RIPK2: variants seen among roughly 807,000 people sequenced by gnomAD.
The protein encoded by RIPK2 is receptor interacting serine/threonine kinase 2.
In RIPK2, 38 loss-of-function variants were observed where a neutral mutation model predicts 60.9. That is an observed-to-expected ratio of 0.62 (90% CI 0.48 to 0.82). The LOEUF (loss-of-function observed/expected upper bound fraction) is 0.82. RIPK2 is among the 40% of genes least tolerant of loss of function. The probability of loss-of-function intolerance (pLI) is 0.00; values close to 1 mark genes in which losing one functional copy is unlikely to be tolerated. For synonymous variants in RIPK2, 225 were observed against 223.4 expected (o/e 1.01, Z -0.06); for missense variants, 518 against 647.0 (o/e 0.80, Z 2.16).
intron 6 of RIPK2, among the ~76,000 whole-genome samples, chr8:89,779,622 A>G (rs951142553): frequency 2.0e-5 from 3 of 151,756 alleles, no homozygotes; most frequent in Non-Finnish European, 4.4e-5. Context: ...GCCTGGCCCA[A>G]TTTTCAAGTT....
Position 89,790,349 on chromosome 8 carries a change from C to G in RIPK2, c.1556C>G (p.Pro519Arg). 6.2e-7 allele frequency: 1 copy of G among 1,613,486 alleles called. No homozygotes were observed. The highest frequency in any genetic ancestry group is 8.5e-7 in the Non-Finnish European group (1 of 1,179,756). Residue 519 changes from proline to arginine, a missense_variant, in exon 11 of 11, where the codon CCT becomes CGT. Pro to Arg is a moderately radical substitution (Grantham distance 103). This residue lies in a region of RIPK2 where 41 missense variants were observed against 43.7 expected (regional missense o/e 0.94). Transcript: ENST00000220751. ...LKDNKQMGLQ[P>R]YPEILVVSRS... is the part of the protein sequence containing the mutation. Reference sequence around the variant, plus strand: ...GATAACAAACAAATGGGTCTTCAGCCTTACCCGGAAATACTTGTGGTTTCT... The same window carrying G: ...GATAACAAACAAATGGGTCTTCAGCGTTACCCGGAAATACTTGTGGTTTCT...
In RIPK2 at chr8:89,789,439, C is replaced by T; in HGVS notation, c.1242C>T (p.Cys414=). The change falls in exon 10 of 11, where the codon TGC becomes TGT. Residue 414 remains cysteine (C), a synonymous_variant. Transcript: ENST00000220751. The stretch of plus-strand genomic sequence containing the variant: ...TCTGTGATCACAAGACCACTCCATG[C>T]TCTTCAGCAATAATAAATCCACTCT... The part of the protein sequence containing the change: ...AAFCDHKTTP[C]SSAIINPLST... 6.2e-7 allele frequency: 1 copy of T among 1,613,986 alleles called. No homozygotes were observed. Among genetic ancestry groups the T allele is most frequent in the Non-Finnish European group, 8.5e-7 (1 of 1,179,928 alleles).
Position 89,786,616 on chromosome 8 carries a change from C to T in RIPK2, c.1053C>T (p.Leu351=). ...AGGAATCATGTGGATCCTCTCAGCTCCATGAAAATAGTGGTTCTCCTGAAA... is the reference window on the plus strand; with the variant it reads ...AGGAATCATGTGGATCCTCTCAGCTTCATGAAAATAGTGGTTCTCCTGAAA... The part of the protein sequence containing the change: ...PQEESCGSSQ[L]HENSGSPETS... The change falls in exon 9 of 11, where the codon CTC becomes CTT. Residue 351 remains leucine, a synonymous_variant. Transcript: ENST00000220751. 2 of 1,596,380 alleles carry T rather than the reference C, an allele frequency of 1.3e-6. No homozygotes were observed. Among genetic ancestry groups the T allele is most frequent in the Non-Finnish European group, 1.7e-6 (2 of 1,166,556 alleles).
rs1335771091 is a variant in RIPK2, at chr8:89,771,771, C to T, written c.672C>T (p.Ser224=). The change falls in exon 5 of 11, where the codon TCC becomes TCT. Residue 224 remains serine, a synonymous_variant. Coordinates refer to ENST00000220751, the MANE Select transcript of RIPK2 (RefSeq NM_003821.6). ...SYAVITWEVL[S]RKQPFEDVTN... is the part of the protein sequence containing the mutation. ...CAGTTATCACATGGGAAGTGTTATCCAGAAAACAGCCTTTTGAAGGTAAGT... is the reference window on the plus strand; with the variant it reads ...CAGTTATCACATGGGAAGTGTTATCTAGAAAACAGCCTTTTGAAGGTAAGT... 1 of 1,603,892 alleles carries T rather than the reference C, an allele frequency of 6.2e-7. No homozygotes were observed. The highest frequency in any genetic ancestry group is 8.5e-7 in the Non-Finnish European group (1 of 1,173,616).
chr8:89,768,833 T>G (rs937733654), intron 3 of RIPK2, among the ~76,000 whole-genome samples: 1 of 151,768 alleles, frequency 6.6e-6, no homozygotes, highest in Admixed American at 6.6e-5. Context: ...TTATGTATTT[T>G]GTTAAAATTG....
chr8:89,779,924 T>C, intron 6 of RIPK2, 151 bp from the exon 7 acceptor site: 3 of 561,908 alleles, frequency 5.3e-6, no homozygotes, highest in Non-Finnish European at 9.6e-6. Context: ...CTTATGTCTA[T>C]CTTTATGTCA....
chr8:89,781,927 G>A (rs1324917243), intron 7 of RIPK2, among the ~76,000 whole-genome samples: 1 of 152,196 alleles, frequency 6.6e-6, no homozygotes, highest in African/African-American at 2.4e-5. Context: ...AGTAGTAAGA[G>A]TTGACTTAAT....
At chr8:89,760,880 T>C (rs1291981304) in intron 1 of RIPK2, among the ~76,000 whole-genome samples, 2 of 152,172 alleles carry the variant, frequency 1.3e-5, no homozygotes, top group Non-Finnish European at 2.9e-5. Flanking sequence ...CTATTGTTCT[T>C]AGTATCCAGG....
intron 3 of RIPK2, among the ~76,000 whole-genome samples, chr8:89,767,898 T>C (rs55702923): frequency 0.058 from 8,821 of 151,850 alleles, 779 homozygotes; most frequent in African/African-American, 0.19. Context: ...CTTTAGTTCC[T>C]TCAACTCGTT....
At chr8:89,776,383 G>A (rs1809398739) in intron 6 of RIPK2, among the ~76,000 whole-genome samples, 1 of 152,166 alleles carries the variant, frequency 6.6e-6, no homozygotes, top group South Asian at 2.1e-4. Context: ...CAAAATTATT[G>A]AGGACTTCAA....
rs1809081345 is a variant in RIPK2, at chr8:89,758,149, G to T, written c.89G>T (p.Gly30Val). The T allele has an allele frequency of 2.5e-6, 4 of 1,598,674 alleles. No individual in the cohort carries two copies. The highest frequency in any genetic ancestry group is 3.4e-6 in the Non-Finnish European group (4 of 1,174,032). Residue 30 changes from glycine (G) to valine (V), a missense_variant, in exon 1 of 11, where the codon GGC (glycine) becomes GTC (valine). Around this residue, in one of 3 missense-constraint regions of RIPK2, gnomAD observed 448 missense variants for 534.7 expected, o/e 0.84. Coordinates refer to ENST00000220751, the MANE Select transcript of RIPK2 (RefSeq NM_003821.6). ...DLRYLSRGAS[G>V]TVSSARHADW... ...CGCTACCTGAGCCGCGGCGCCTCTG[G>T]CACTGTGTCGTCCGCCCGCCACGCA...
In RIPK2 at chr8:89,791,025, C is replaced by T. The variant is rs2130596555; in HGVS notation, c.*609C>T. Reference sequence around the variant, plus strand: ...TTAACCTCAGCCTTCCCTACTGTCACCAACAACCAAGCTAAATAAAGTCAA... The same window carrying T: ...TTAACCTCAGCCTTCCCTACTGTCATCAACAACCAAGCTAAATAAAGTCAA... On this transcript the variant is annotated 3_prime_UTR_variant, in exon 11 of 11. Coordinates refer to ENST00000220751, the MANE Select transcript of RIPK2 (RefSeq NM_003821.6). 6.6e-6 allele frequency: 1 copy of T among 152,290 alleles called. No individual in the cohort carries two copies. Among genetic ancestry groups the T allele is most frequent in the Non-Finnish European group, 1.5e-5 (1 of 68,014 alleles). The allele number at this position is 152,290 out of a possible 1,614,324, so 9.4% of individuals were successfully genotyped here.
At chr8:89,789,654 A>C (rs1344071459) in intron 10 of RIPK2, among the ~76,000 whole-genome samples, 172 bp downstream of exon 10, 1 of 152,212 alleles carries the variant, frequency 6.6e-6, no homozygotes, top group Admixed American at 6.5e-5. Flanking sequence ...CATGGCCCAA[A>C]TGGTATTCTA....
intron 2 of RIPK2, among the ~76,000 whole-genome samples, 172 bp from the exon 3 acceptor site, chr8:89,765,165 AAAGT>A (rs1809207063): frequency 6.6e-6 from 1 of 152,090 alleles, no homozygotes; most frequent in Admixed American, 6.6e-5. Context: ...TAAAGTGAGG[AAAGT>A]AAGACACAAA....
chr8:89,773,475 A>C (rs944570526), intron 6 of RIPK2, among the ~76,000 whole-genome samples: 2 of 152,190 alleles, frequency 1.3e-5, no homozygotes, highest in African/African-American at 4.8e-5. Context: ...AAGGAAAGGA[A>C]TTAGATGATA....
In RIPK2 at chr8:89,789,437, T is replaced by C; in HGVS notation, c.1240T>C (p.Cys414Arg). ...ATTCTGTGATCACAAGACCACTCCATGCTCTTCAGCAATAATAAATCCACT... is the reference window on the plus strand; with the variant it reads ...ATTCTGTGATCACAAGACCACTCCACGCTCTTCAGCAATAATAAATCCACT... Reference protein sequence around the residue: ...AAFCDHKTTPCSSAIINPLST... With the variant: ...AAFCDHKTTPRSSAIINPLST... The change falls in exon 10 of 11, where the codon TGC becomes CGC. Residue 414 changes from cysteine (C) to arginine (R), a missense_variant. Physicochemically the swap from Cys to Arg is radical, Grantham distance 180. Transcript: ENST00000220751. 11 of 1,614,120 alleles carry C rather than the reference T, an allele frequency of 6.8e-6. No individual in the cohort carries two copies. Among genetic ancestry groups the C allele is most frequent in the Non-Finnish European group, 9.3e-6 (11 of 1,179,984 alleles).
In RIPK2 at chr8:89,765,483, A is replaced by G. The variant is rs999825939; in HGVS notation, c.470A>G (p.Glu157Gly). 5 of 1,577,326 alleles carry G rather than the reference A, an allele frequency of 3.2e-6. No homozygotes were observed. The Admixed American group carries it at 6.8e-5, about 21-fold the overall frequency. ...LKTQNILLDNEFHVKIADFGL... is the reference protein window; with the variant it reads ...LKTQNILLDNGFHVKIADFGL... ...ACTCAGAATATCTTATTGGACAATG[A>G]ATTTCATGTTAAGGTAATTACTTTT... Residue 157 changes from glutamate to glycine, a missense_variant, in exon 3 of 11, where the codon GAA becomes GGA. Physicochemically the swap from Glu to Gly is moderately conservative, Grantham distance 98 (BLOSUM62 -2). Around this residue, in one of 3 missense-constraint regions of RIPK2, gnomAD observed 448 missense variants for 534.7 expected, o/e 0.84. Transcript: ENST00000220751.
At chr8:89,760,508 A>C (rs1809127016) in intron 1 of RIPK2, among the ~76,000 whole-genome samples, 1 of 152,208 alleles carries the variant, frequency 6.6e-6, no homozygotes, top group African/African-American at 2.4e-5. Flanking sequence ...CTTTAAAAAA[A>C]ATTTCCCACT....
chr8:89,784,926 A>G (rs931580808), intron 8 of RIPK2, among the ~76,000 whole-genome samples: 1 of 152,142 alleles, frequency 6.6e-6, no homozygotes, highest in Non-Finnish European at 1.5e-5. Context: ...ATGGTGAGAC[A>G]GGATGCAGGA....
Sources: gnomAD v4.1 joint callset for allele counts (sites outside exome capture counted in the v4.1 genomes callset) on GRCh38, gnomAD v4.1.1 for gene constraint, gnomAD v4.1.1 regional missense constraint, MANE v1.5 for transcripts, NCBI Gene and HGNC (gene_info 2026-07-23, HGNC 2026-07-21) for gene names.